The following CADM2 variants were observed in gnomAD, a reference collection of about 807,000 sequenced individuals.
CADM2 encodes the protein immunoglobulin superfamily member 4D.
In CADM2, 12 loss-of-function variants were observed where a neutral mutation model predicts 49.8. The observed-to-expected ratio is 0.24, with a 90% CI of 0.15 to 0.39. CADM2 has a LOEUF of 0.39. Among genes scored for constraint, CADM2 ranks in the 10% least tolerant of loss-of-function variants. CADM2 has a pLI of 1.00. For missense variants in CADM2, 378 were observed against 492.3 expected (o/e 0.77, Z 2.20); for synonymous variants, 214 against 175.4 (o/e 1.22, Z -1.74).
intron 1 of CADM2, among the ~76,000 whole-genome samples, chr3:85,331,272 T>C (rs2044915239): frequency 6.6e-6 from 1 of 152,006 alleles, no homozygotes; most frequent in Admixed American, 6.6e-5. Flanking sequence ...CTTTCTTTAT[T>C]CCTAACTCCC....
chr3:85,637,465 G>A (rs991128368), intron 1 of CADM2, among the ~76,000 whole-genome samples: 9 of 148,428 alleles, frequency 6.1e-5, no homozygotes, highest in Non-Finnish European at 3.0e-5. Context: ...AGCTGGGCGC[G>A]GTGGCGGGCG....
At chr3:85,808,463 A>G (rs967067391) in intron 3 of CADM2, among the ~76,000 whole-genome samples, 3 of 152,110 alleles carry the variant, frequency 2.0e-5, no homozygotes, top group Non-Finnish European at 4.4e-5. Context: ...AATCAATTAG[A>G]TCGTAGTGTC....
chr3:85,978,767 G>A (rs1177335789), intron 8 of CADM2, among the ~76,000 whole-genome samples: 1 of 151,438 alleles, frequency 6.6e-6, no homozygotes, highest in Non-Finnish European at 1.5e-5. Flanking sequence ...ATCTTATATG[G>A]TGGTATATGT....
chr3:85,701,438 G>A (rs964692030), intron 1 of CADM2, among the ~76,000 whole-genome samples: 1 of 152,074 alleles, frequency 6.6e-6, no homozygotes, highest in African/African-American at 2.4e-5. Context: ...CAGATTTAAA[G>A]GAAGTGGACA....
chr3:85,965,865 T>C (rs1559771287), intron 8 of CADM2, among the ~76,000 whole-genome samples: 1 of 151,636 alleles, frequency 6.6e-6, no homozygotes, highest in African/African-American at 2.4e-5. Flanking sequence ...TTGGAAGCAA[T>C]GCATACTCTT....
chr3:85,422,468 G>A (rs190957955), intron 1 of CADM2, among the ~76,000 whole-genome samples: 4 of 152,038 alleles, frequency 2.6e-5, no homozygotes, highest in East Asian at 2.0e-4. Context: ...TAGTAGAGAC[G>A]GGGTTTCACT....
chr3:85,451,863 T>G (rs2037762161), intron 1 of CADM2, among the ~76,000 whole-genome samples: 1 of 152,140 alleles, frequency 6.6e-6, no homozygotes, highest in Non-Finnish European at 1.5e-5. Flanking sequence ...TCACCAGGGA[T>G]TCATCCTGTG....
intron 8 of CADM2, among the ~76,000 whole-genome samples, chr3:85,997,574 T>C (rs1729584181): frequency 6.6e-6 from 1 of 152,186 alleles, no homozygotes; most frequent in Non-Finnish European, 1.5e-5. Flanking sequence ...AAACAACCTA[T>C]CTTAAAATTT....
At chr3:85,541,146 T>C (rs1056417184) in intron 1 of CADM2, among the ~76,000 whole-genome samples, 5 of 150,838 alleles carry the variant, frequency 3.3e-5, no homozygotes, top group South Asian at 2.1e-4. Context: ...ATTTGACACA[T>C]ATATACATTT....
intron 1 of CADM2, among the ~76,000 whole-genome samples, chr3:85,064,946 T>C (rs1017696135): frequency 3.5e-4 from 54 of 152,158 alleles, no homozygotes; most frequent in African/African-American, 1.3e-3. Context: ...TAAGAGTACT[T>C]ATCTTTTCAA....
At chr3:85,758,881 T>A (rs574839371) in intron 2 of CADM2, among the ~76,000 whole-genome samples, 205 of 152,144 alleles carry the variant, frequency 1.3e-3, no homozygotes, top group Admixed American at 2.2e-3. Flanking sequence ...GACAGAAAAA[T>A]TATGAATATA....
At chr3:85,822,227 A>G (rs1177332129) in intron 3 of CADM2, among the ~76,000 whole-genome samples, 2 of 152,184 alleles carry the variant, frequency 1.3e-5, no homozygotes, top group East Asian at 3.9e-4. Context: ...AGAGAAATAC[A>G]TTGGCAGTAA....
At chr3:85,892,247 C>G (rs1714542067) in intron 5 of CADM2, among the ~76,000 whole-genome samples, 1 of 152,156 alleles carries the variant, frequency 6.6e-6, no homozygotes, top group African/African-American at 2.4e-5. Flanking sequence ...ATGATCTGGA[C>G]AGATGGAGTA....
At chr3:85,451,260 A>G (rs1317666275) in intron 1 of CADM2, among the ~76,000 whole-genome samples, 1 of 152,164 alleles carries the variant, frequency 6.6e-6, no homozygotes. Context: ...GAATGAATCT[A>G]TATTTTAAGA....
intron 1 of CADM2, among the ~76,000 whole-genome samples, chr3:85,424,115 A>G (rs2036292160): frequency 6.6e-6 from 1 of 152,130 alleles, no homozygotes; most frequent in South Asian, 2.1e-4. Flanking sequence ...ACACTACTGG[A>G]GAGATTTTTC....
chr3:85,606,012 T>G (rs1327641108), intron 1 of CADM2, among the ~76,000 whole-genome samples: 2 of 152,012 alleles, frequency 1.3e-5, no homozygotes, highest in African/African-American at 4.8e-5. Flanking sequence ...TCAAGCAGAG[T>G]CCTCATAGGC....
intron 1 of CADM2, among the ~76,000 whole-genome samples, chr3:85,055,484 A>G (rs1179035325): frequency 6.6e-6 from 1 of 152,046 alleles, no homozygotes; most frequent in Non-Finnish European, 1.5e-5. Flanking sequence ...GGTAGGATTT[A>G]TTAAAAACTT....
At chr3:85,871,780 A>G (rs2075940690) in intron 3 of CADM2, among the ~76,000 whole-genome samples, 1 of 152,074 alleles carries the variant, frequency 6.6e-6, no homozygotes, top group African/African-American at 2.4e-5. Flanking sequence ...CTTTGATGAG[A>G]CATTAGGTTT....
intron 1 of CADM2, among the ~76,000 whole-genome samples, chr3:85,172,454 A>G (rs2040653401): frequency 6.6e-6 from 1 of 152,174 alleles, no homozygotes; most frequent in South Asian, 2.1e-4. Flanking sequence ...TTCTAATCAA[A>G]TGCATATTAT....
Sources: gnomAD v4.1 joint callset for allele counts (sites outside exome capture counted in the v4.1 genomes callset) on GRCh38, gnomAD v4.1.1 for gene constraint, MANE v1.5 for transcripts, NCBI Gene and HGNC (gene_info 2026-07-23, HGNC 2026-07-21) for gene names.